ZNF862: variants seen among roughly 807,000 people sequenced by gnomAD.
The protein encoded by ZNF862 is zinc finger protein 862.
In ZNF862, 64 loss-of-function variants were observed where a neutral mutation model predicts 91.1. That is an observed-to-expected ratio of 0.70 (90% confidence interval 0.57 to 0.87). The LOEUF (loss-of-function observed/expected upper bound fraction) is 0.87. Ranked by LOEUF, ZNF862 falls within the 40% of genes least tolerant of loss-of-function variation. The pLI is 0.00. For synonymous variants in ZNF862, 631 were observed against 618.1 expected (o/e 1.02, Z -0.31); for missense variants, 1,459 against 1,528.0 (o/e 0.95, Z 0.75).
Position 149,861,142 on chromosome 7 carries a change from C to T in ZNF862, c.1982C>T (p.Pro661Leu). 1.9e-6 allele frequency: 3 copies of T among 1,613,076 alleles called. No homozygotes were observed. The highest frequency in any genetic ancestry group is 2.5e-6 in the Non-Finnish European group (3 of 1,179,868). ...AAAGAGTCCTACATCACTCTGGCCC[C>T]TCTCTACAGTGAGACAGCAGATGGG... ...EVKESYITLA[P>L]LYSETADGYF... is the part of the protein sequence containing the mutation. Residue 661 changes from proline (P) to leucine (L), a missense_variant, in exon 7 of 8, where the codon CCT becomes CTT. Transcript: ENST00000223210. The surrounding 1 kb of genome is among the most constrained non-coding windows in gnomAD (Gnocchi z 6.7).
chr7:149,847,714 C>T, intron 3 of ZNF862, 21 bp from the exon 4 acceptor site: 2 of 1,575,724 alleles, frequency 1.3e-6, no homozygotes, highest in Non-Finnish European at 1.7e-6. Context: ...AAAGCCAATC[C>T]CTTCTGTCTC....
rs745949150 is a variant in ZNF862, at chr7:149,846,220, T to C, written c.206T>C (p.Val69Ala). 2.5e-6 allele frequency: 4 copies of C among 1,613,670 alleles called. No individual in the cohort carries two copies. Among genetic ancestry groups the C allele is most frequent in the Non-Finnish European group, 3.4e-6 (4 of 1,179,802 alleles). Residue 69 changes from valine to alanine, a missense_variant, in exon 3 of 8, where the codon GTC becomes GCC. Coordinates refer to ENST00000223210, the MANE Select transcript of ZNF862 (RefSeq NM_001099220.3). ...GRGPEPWLGS[V>A]QGQRSLLEHH... ...GGGCCAGAGCCATGGCTTGGCAGCG[T>C]CCAGGGCCAGAGGAGCCTTCTGGAG...
At chr7:149,840,367 A>G (rs932769013) in intron 1 of ZNF862, among the ~76,000 whole-genome samples, 1 of 152,166 alleles carries the variant, frequency 6.6e-6, no homozygotes, top group Non-Finnish European at 1.5e-5. Flanking sequence ...GTGTTATTAC[A>G]AAAGAGTCAA....
At position 149,847,835 on chromosome 7, in the gene ZNF862, C is replaced by T. The variant is rs1187150664; in HGVS notation, c.342C>T (p.His114=). Residue 114 remains histidine, a synonymous_variant, in exon 4 of 8, where the codon CAC becomes CAT. Transcript: ENST00000223210. ...LPPQKKAYLS[H]LSTGSGHIEG... is the part of the protein sequence containing the mutation. ...CTCAGAAGAAAGCCTACCTTTCCCA[C>T]CTCAGTACAGGCAGTGGACACATCG... 5 of 1,613,640 alleles carry T rather than the reference C, an allele frequency of 3.1e-6. No homozygotes were observed. The African/African-American group carries it at 5.3e-5, about 17-fold the overall frequency.
Position 149,864,231 on chromosome 7 carries a change from C to T in ZNF862, c.3457C>T (p.Pro1153Ser). 1 of 1,601,800 alleles carries T rather than the reference C, an allele frequency of 6.2e-7. No homozygotes were observed. Among genetic ancestry groups the T allele is most frequent in the Non-Finnish European group, 8.5e-7 (1 of 1,174,716 alleles). Residue 1153 changes from proline (P) to serine (S), a missense_variant, in exon 8 of 8, where the codon CCC becomes TCC. By Grantham distance (74) the Pro-to-Ser change is moderately conservative. Coordinates refer to ENST00000223210, the MANE Select transcript of ZNF862 (RefSeq NM_001099220.3). Reference sequence around the variant, plus strand: ...TCTGAAGGACTGCATCATGGAGCCTCCCGAGAGACTCCTGTATCCCCACAC... The same window carrying T: ...TCTGAAGGACTGCATCATGGAGCCTTCCGAGAGACTCCTGTATCCCCACAC... ...EVLKDCIMEP[P>S]ERLLYPHTSQ...
intron 5 of ZNF862, chr7:149,856,103 T>C (rs922444864): frequency 1.3e-5 from 2 of 152,252 alleles, no homozygotes; most frequent in Admixed American, 6.5e-5. Flanking sequence ...CCACAGCCCC[T>C]GGCCCTCAGC....
chr7:149,840,132 T>C (rs1801648536), intron 1 of ZNF862, among the ~76,000 whole-genome samples: 1 of 140,480 alleles, frequency 7.1e-6, no homozygotes, highest in South Asian at 2.2e-4. Context: ...TGACCCTGTG[T>C]AGGCTTAGGC....
rs918265333 is a variant in ZNF862 at position 149,855,760 on chromosome 7, C to A, written c.1118-3662C>A. Among the ~76,000 whole-genome samples the A allele has an allele frequency of 2.0e-5, 3 of 152,202 alleles. No homozygotes were observed. Among genetic ancestry groups the A allele is most frequent in the African/African-American group, 7.2e-5 (3 of 41,458 alleles). ...GGCAGGCCCCACAGACAACGCCAGG[C>A]CTCTTCTCATTCCCCATGTGGCCCA... On this transcript the variant is annotated intron_variant, in intron 5 of 7. Transcript: ENST00000223210. The surrounding 1 kb of genome is among the most constrained non-coding windows in gnomAD (Gnocchi z 4.1).
intron 4 of ZNF862, among the ~76,000 whole-genome samples, chr7:149,849,465 C>G (rs1586050021): frequency 6.6e-6 from 1 of 152,180 alleles, no homozygotes; most frequent in Non-Finnish European, 1.5e-5. Flanking sequence ...GGAAGCTTCC[C>G]CATTTCTCAC....
rs1271025638 is a variant in ZNF862, at chr7:149,861,606, G to A, written c.2446G>A (p.Glu816Lys). 2 of 1,600,970 alleles carry A rather than the reference G, an allele frequency of 1.2e-6. No homozygotes were observed. Among genetic ancestry groups the A allele is most frequent in the Admixed American group, 3.4e-5 (2 of 58,642 alleles). ...GGCCAGGCACCTCCAGAGGGTGGCA[G>A]AGGCTGGGGGCCAGATTGGGCACCG... ...ALARHLQRVA[E>K]AGGQIGHRAK... Residue 816 changes from glutamate to lysine, a missense_variant, in exon 7 of 8, where the codon GAG becomes AAG. By Grantham distance (56) the Glu-to-Lys change is moderately conservative. Transcript: ENST00000223210. This position sits in a 1 kb window ranked among gnomAD's most constrained non-coding sequence, Gnocchi z 6.7.
At position 149,855,692 on chromosome 7, in the gene ZNF862, G is replaced by A. The variant is rs148443741; in HGVS notation, c.1118-3730G>A. 4.6e-4 allele frequency among the ~76,000 whole-genome samples: 70 copies of A among 152,240 alleles called. 1 individual carries two copies. The East Asian group carries it at 0.013, about 27-fold the overall frequency. Reference sequence around the variant, plus strand: ...CTGCCCTGGCAGCCTGTCTATATAGGCGCCTTCACAGGGGAGTATCACACT... The same window carrying A: ...CTGCCCTGGCAGCCTGTCTATATAGACGCCTTCACAGGGGAGTATCACACT... On this transcript the variant is annotated intron_variant, in intron 5 of 7. Coordinates refer to ENST00000223210, the MANE Select transcript of ZNF862 (RefSeq NM_001099220.3). The surrounding 1 kb of genome is among the most constrained non-coding windows in gnomAD (Gnocchi z 4.1).
chr7:149,841,494 G>T (rs563555245), intron 1 of ZNF862: 468 of 981,714 alleles, frequency 4.8e-4, no homozygotes, highest in Non-Finnish European at 5.6e-4. Context: ...CGTATTTGTT[G>T]ACTTGACTCT....
In ZNF862 at chr7:149,861,616, G is replaced by A. The variant is rs1185212935; in HGVS notation, c.2456G>A (p.Gly819Asp). 1 of 1,602,160 alleles carries A rather than the reference G, an allele frequency of 6.2e-7. No individual in the cohort carries two copies. The highest frequency in any genetic ancestry group is 1.1e-5 in the South Asian group (1 of 89,980). ...CTCCAGAGGGTGGCAGAGGCTGGGG[G>A]CCAGATTGGGCACCGGGCCAAAGGG... is the stretch of plus-strand genomic sequence containing the variant. ...RHLQRVAEAG[G>D]QIGHRAKGML... The change falls in exon 7 of 8, where the codon GGC becomes GAC. Residue 819 changes from glycine (G) to aspartate (D), a missense_variant. Transcript: ENST00000223210. The surrounding 1 kb of genome is among the most constrained non-coding windows in gnomAD (Gnocchi z 6.7).
intron 1 of ZNF862, among the ~76,000 whole-genome samples, chr7:149,839,599 A>T (rs1801631105): frequency 6.6e-6 from 1 of 152,216 alleles, no homozygotes; most frequent in African/African-American, 2.4e-5. Flanking sequence ...ACACGAAAAG[A>T]GAGAAAAGGA....
At position 149,860,855 on chromosome 7, in the gene ZNF862, T is replaced by C. The variant is rs2128941764; in HGVS notation, c.1695T>C (p.Ile565=). 1 of 1,613,648 alleles carries C rather than the reference T, an allele frequency of 6.2e-7. No homozygotes were observed. The highest frequency in any genetic ancestry group is 1.7e-5 in the Admixed American group (1 of 60,034). ...ACTTTTTCAATGCCGCCTACTCCAT[T>C]GCATACCACTCAAGGCCCCTGAATG... is the stretch of plus-strand genomic sequence containing the variant. The part of the protein sequence containing the change: ...MEHFFNAAYS[I]AYHSRPLNDF... The change falls in exon 7 of 8, where the codon ATT becomes ATC. Residue 565 remains isoleucine, a synonymous_variant. Coordinates refer to ENST00000223210, the MANE Select transcript of ZNF862 (RefSeq NM_001099220.3).
intron 5 of ZNF862, among the ~76,000 whole-genome samples, chr7:149,853,504 G>GGT (rs1802141251): frequency 6.6e-6 from 1 of 152,236 alleles, no homozygotes; most frequent in African/African-American, 2.4e-5. Context: ...GCTTCAGAGA[G>GGT]GTACCATCAG....
At chr7:149,852,078 C>A (rs1416196099) in intron 5 of ZNF862, 1 of 151,962 alleles carries the variant, frequency 6.6e-6, no homozygotes, top group East Asian at 1.9e-4. Context: ...CTTAAGGAGC[C>A]TGGGGACTAT....
chr7:149,861,498 C>G lies in ZNF862; in HGVS notation c.2338C>G (p.Arg780Gly). Residue 780 changes from arginine (R) to glycine (G), a missense_variant, in exon 7 of 8, where the codon CGC (arginine) becomes GGC (glycine). Physicochemically the swap from Arg to Gly is moderately radical, Grantham distance 125 (BLOSUM62 -2). Coordinates refer to ENST00000223210, the MANE Select transcript of ZNF862 (RefSeq NM_001099220.3). The surrounding 1 kb of genome is among the most constrained non-coding windows in gnomAD (Gnocchi z 6.7). Reference protein sequence around the residue: ...GAAPLEQEIIRLKDLNAVRWV... With the variant: ...GAAPLEQEIIGLKDLNAVRWV... ...GGCGCCTCTGGAGCAGGAGATCATC[C>G]GCCTGAAGGATCTGAATGCGGTCCG... 1 of 1,611,710 alleles carries G rather than the reference C, an allele frequency of 6.2e-7. No individual in the cohort carries two copies. The highest frequency in any genetic ancestry group is 1.3e-5 in the African/African-American group (1 of 75,026).
At chr7:149,840,187 T>TAAAAAAAAAAAAAAA (rs60721842) in intron 1 of ZNF862, among the ~76,000 whole-genome samples, 6 of 41,252 alleles carry the variant, frequency 1.5e-4, no homozygotes, top group Non-Finnish European at 1.8e-4. Context: ...GCTTAAAAAG[T>TAAAAAAAAAAAAAAA]AAAAAAAAAA....
Sources: allele counts gnomAD v4.1 joint callset (sites outside exome capture counted in the v4.1 genomes callset), GRCh38; gene constraint gnomAD v4.1.1; non-coding constraint Gnocchi (gnomAD v3.1); transcripts MANE v1.5; gene names NCBI Gene and HGNC (gene_info 2026-07-23, HGNC 2026-07-21).